CARS1: variants seen among roughly 807,000 people sequenced by gnomAD.
The protein encoded by CARS1 is cysteine--tRNA ligase, cytoplasmic.
Under a neutral mutation model 106.2 loss-of-function variants are expected in CARS1, and 48 were observed. That is an observed-to-expected ratio of 0.45 (90% CI 0.36 to 0.57). The LOEUF (loss-of-function observed/expected upper bound fraction) is 0.57. CARS1 is among the 20% of genes least tolerant of loss of function. The pLI is 0.00. For synonymous variants in CARS1, 409 were observed against 403.4 expected, an observed-to-expected ratio of 1.01 and a Z score of -0.17; for missense variants, 968 against 1,057.2, an observed-to-expected ratio of 0.92 and a Z score of 1.17.
At position 3,034,366 on chromosome 11, in the gene CARS1, G is replaced by A. The variant is rs533203743; in HGVS notation, c.801+3684C>T. Among the ~76,000 whole-genome samples the A allele has an allele frequency of 2.0e-5, 3 of 150,172 alleles. No homozygotes were observed. In the East Asian group the frequency reaches 6.0e-4, roughly 30 times the overall value. Reference sequence around the variant, plus strand: ...CTCCAGAGTAGCTGGGATTACAGACGCGCGCCACCACATTTGGCTAATTTT... The same window carrying A: ...CTCCAGAGTAGCTGGGATTACAGACACGCGCCACCACATTTGGCTAATTTT... On this transcript the variant is annotated intron_variant, in intron 7 of 22. Coordinates refer to ENST00000380525, the MANE Select transcript of CARS1 (RefSeq NM_001014437.3). This position sits in a 1 kb window ranked among gnomAD's most constrained non-coding sequence, Gnocchi z 6.3.
rs374179132 is a variant in CARS1 at position 3,002,491 on chromosome 11, G to T, written c.2277+50C>A. 1,301 of 1,609,304 alleles carry T rather than the reference G, an allele frequency of 8.1e-4. 19 individuals are homozygous for T. The South Asian group carries it at 0.012, about 14-fold the overall frequency. On this transcript the variant is annotated intron_variant, in intron 21 of 22. Coordinates refer to ENST00000380525, the MANE Select transcript of CARS1 (RefSeq NM_001014437.3). ...CAGAGAGCCACAGGGCATGGGGTCA[G>T]GGTGCACTCCTGCCCAGTAGAGCCC...
rs1483181057 is a variant in CARS1, at chr11:3,003,461, A to G, written c.2218-861T>C. 6.6e-6 allele frequency among the ~76,000 whole-genome samples: 1 copy of G among 152,212 alleles called. No homozygotes were observed. The highest frequency in any genetic ancestry group is 1.5e-5 in the Non-Finnish European group (1 of 68,026). Reference sequence around the variant, plus strand: ...GGCTTCCTGGCCCAGTGGAGCTATCAGGTAGGCAGCTGGGCAAACTGTTTT... The same window carrying G: ...GGCTTCCTGGCCCAGTGGAGCTATCGGGTAGGCAGCTGGGCAAACTGTTTT... On this transcript the variant is annotated intron_variant, in intron 20 of 22. Coordinates refer to ENST00000380525, the MANE Select transcript of CARS1 (RefSeq NM_001014437.3). This position sits in a 1 kb window ranked among gnomAD's most constrained non-coding sequence, Gnocchi z 4.8.
chr11:3,054,070 G>T (rs1157168864), intron 1 of CARS1, among the ~76,000 whole-genome samples: 1 of 152,130 alleles, frequency 6.6e-6, no homozygotes, highest in Non-Finnish European at 1.5e-5. Context: ...ATCGTGGGGA[G>T]GAGAGAGGGG....
In CARS1 at chr11:3,040,059, AC is replaced by A. The variant is rs993566802; in HGVS notation, c.456-129del. The A allele has an allele frequency of 1.2e-5, 7 of 560,854 alleles. No individual in the cohort carries two copies. The highest frequency in any genetic ancestry group is 5.9e-5 in the African/African-American group (3 of 50,760). 34.7% of individuals were successfully genotyped at this position (560,854 alleles called of 1,614,324 possible). Reference sequence around the variant, plus strand: ...TCTCTGCCATCCCTGAAACAGCAAGACCCCCCCTTCTCCTCCTCAGTCTACT... The same window carrying A: ...TCTCTGCCATCCCTGAAACAGCAAGACCCCCCTTCTCCTCCTCAGTCTACT... On this transcript the variant is annotated intron_variant, in intron 4 of 22. Transcript: ENST00000380525. This position sits in a 1 kb window ranked among gnomAD's most constrained non-coding sequence, Gnocchi z 5.8.
At chr11:3,014,022 G>C (rs983595257) in intron 17 of CARS1, among the ~76,000 whole-genome samples, 6 of 152,134 alleles carry the variant, frequency 3.9e-5, no homozygotes, top group Non-Finnish European at 8.8e-5. Flanking sequence ...TCTAAGCCAA[G>C]CTCCCTGAGA....
At chr11:3,015,686 T>G in intron 17 of CARS1, 95 bp downstream of exon 17, 1 of 1,069,594 alleles carries the variant, frequency 9.3e-7, no homozygotes, top group Non-Finnish European at 1.5e-6. Flanking sequence ...CTGGTGTGGG[T>G]GGGCAGACAG....
At position 3,050,593 on chromosome 11, in the gene CARS1, G is replaced by A. The variant is rs1162812333; in HGVS notation, c.26-2592C>T. On this transcript the variant is annotated intron_variant, in intron 1 of 22. Coordinates refer to ENST00000380525, the MANE Select transcript of CARS1 (RefSeq NM_001014437.3). This position sits in a 1 kb window ranked among gnomAD's most constrained non-coding sequence, Gnocchi z 6.3. ...CCAGCGGCCCTGCTGAAAAGCGCAC[G>A]TTCACATTACTGCCCCCAACACCCA... Among the ~76,000 whole-genome samples, 1 of 152,120 alleles carries A rather than the reference G, an allele frequency of 6.6e-6. No individual in the cohort carries two copies. The highest frequency in any genetic ancestry group is 1.5e-5 in the Non-Finnish European group (1 of 68,022).
rs1047300608 is a variant in CARS1 at position 3,004,580 on chromosome 11, G to T, written c.2217+786C>A. Among the ~76,000 whole-genome samples, 1 of 152,210 alleles carries T rather than the reference G, an allele frequency of 6.6e-6. No homozygotes were observed. Among genetic ancestry groups the T allele is most frequent in the African/African-American group, 2.4e-5 (1 of 41,466 alleles). On this transcript the variant is annotated intron_variant, in intron 20 of 22. Coordinates refer to ENST00000380525, the MANE Select transcript of CARS1 (RefSeq NM_001014437.3). This position sits in a 1 kb window ranked among gnomAD's most constrained non-coding sequence, Gnocchi z 5.2. ...CATGGTGTGCACTGGGGGCCCAGGT[G>T]CCTCTCATCCTGCTGCCTGCATCCC...
chr11:3,029,120 T>C lies in CARS1; in HGVS notation c.943-36A>G, dbSNP rs982698494. ...CATGAGAATGTCCTGGGATTTTCCC[T>C]TCTGAAAACCACGCGCTCCATAAAA... On this transcript the variant is annotated intron_variant, in intron 8 of 22. Transcript: ENST00000380525. The surrounding 1 kb of genome is among the most constrained non-coding windows in gnomAD (Gnocchi z 5.9). 2.6e-6 allele frequency: 4 copies of C among 1,545,262 alleles called. No homozygotes were observed. The highest frequency in any genetic ancestry group is 3.6e-6 in the Non-Finnish European group (4 of 1,117,704).
In CARS1 at chr11:3,053,536, T is replaced by C. The variant is rs1855897230; in HGVS notation, c.25+3807A>G. On this transcript the variant is annotated intron_variant, in intron 1 of 22. Transcript: ENST00000380525. The surrounding 1 kb of genome is among the most constrained non-coding windows in gnomAD (Gnocchi z 6.6). ...GTGAGCCACCATGCCTGGCCTCCTGTAAGCATTTAAACCTCTCCCGGCTGC... is the reference window on the plus strand; with the variant it reads ...GTGAGCCACCATGCCTGGCCTCCTGCAAGCATTTAAACCTCTCCCGGCTGC... Among the ~76,000 whole-genome samples, 1 of 152,104 alleles carries C rather than the reference T, an allele frequency of 6.6e-6. No homozygotes were observed. Among genetic ancestry groups the C allele is most frequent in the Non-Finnish European group, 1.5e-5 (1 of 67,996 alleles).
At position 3,031,823 on chromosome 11, in the gene CARS1, G is replaced by C. The variant is rs574474607; in HGVS notation, c.802-2380C>G. On this transcript the variant is annotated intron_variant, in intron 7 of 22. Transcript: ENST00000380525. ...GCAAGTCAGACAGTTGAAAACCCCA[G>C]GGACCCAGTCATAGGGGACCCCATA... Among the ~76,000 whole-genome samples the C allele has an allele frequency of 3.9e-5, 6 of 152,216 alleles. No homozygotes were observed. In the East Asian group the frequency reaches 1.2e-3, roughly 29 times the overall value.
intron 19 of CARS1, among the ~76,000 whole-genome samples, chr11:3,005,916 A>T (rs1416865539): frequency 6.6e-6 from 1 of 152,122 alleles, no homozygotes; most frequent in East Asian, 1.9e-4. Context: ...TGGCGAGAAC[A>T]TTTTGTAACG....
At chr11:3,015,931 G>A (rs1037058045) in intron 16 of CARS1, 82 bp from the exon 17 acceptor site, 58 of 1,173,316 alleles carry the variant, frequency 4.9e-5, no homozygotes, top group African/African-American at 1.1e-4. Flanking sequence ...TGTGTTCCTC[G>A]TTCACGGGAG....
Position 3,044,419 on chromosome 11 carries a change from T to C in CARS1, c.275-2163A>G, listed in dbSNP as rs1475835109. 3.3e-4 allele frequency among the ~76,000 whole-genome samples: 44 copies of C among 135,370 alleles called. No individual in the cohort carries two copies. Among genetic ancestry groups the C allele is most frequent in the African/African-American group, 1.0e-3 (30 of 29,808 alleles). The allele number at this position is 135,370 out of a possible 152,430, so 88.8% of individuals were successfully genotyped here. On this transcript the variant is annotated intron_variant, in intron 2 of 22. Coordinates refer to ENST00000380525, the MANE Select transcript of CARS1 (RefSeq NM_001014437.3). The surrounding 1 kb of genome is among the most constrained non-coding windows in gnomAD (Gnocchi z 4.4). ...ATCACATAAGGACCCTTGCCCCCCTTTTTTTTTTTTAGATAAAATCTGGCT... is the reference window on the plus strand; with the variant it reads ...ATCACATAAGGACCCTTGCCCCCCTCTTTTTTTTTTAGATAAAATCTGGCT...
chr11:3,026,867 A>G, intron 9 of CARS1, 70 bp from the exon 10 acceptor site: 1 of 1,544,848 alleles, frequency 6.5e-7, no homozygotes, highest in Non-Finnish European at 8.8e-7. Context: ...GGATGACAGT[A>G]ACAAAATAAA....
At position 3,039,208 on chromosome 11, in the gene CARS1, G is replaced by A; in HGVS notation, c.637C>T (p.Gln213Ter). 1 of 1,612,178 alleles carries A rather than the reference G, an allele frequency of 6.2e-7. No individual in the cohort carries two copies. Among genetic ancestry groups the A allele is most frequent in the South Asian group, 1.1e-5 (1 of 90,984 alleles). The change falls in exon 6 of 23, where the codon CAG becomes TAG. Residue 213 changes from glutamine to a stop codon, truncating the protein, a stop_gained. Coordinates refer to ENST00000380525, the MANE Select transcript of CARS1 (RefSeq NM_001014437.3). LOFTEE classifies it high-confidence loss of function. This position sits in a 1 kb window ranked among gnomAD's most constrained non-coding sequence, Gnocchi z 5.6. ...PEAAQLLEDV[Q>*]AALKPFSVKL... The stretch of plus-strand genomic sequence containing the variant: ...AAGAGGCCCACCTTCAGGGCGGCCT[G>A]AACATCCTCCAAGAGCTGTGCCGCT...
At chr11:3,010,208 G>A (rs567474583) in intron 18 of CARS1, among the ~76,000 whole-genome samples, 16 of 152,258 alleles carry the variant, frequency 1.1e-4, no homozygotes, top group Non-Finnish European at 2.2e-4. Context: ...GGGAGCTTGT[G>A]CCTGGCCAGT....
intron 3 of CARS1, 53 bp downstream of exon 3, chr11:3,042,112 G>T (rs2134264693): frequency 7.3e-7 from 1 of 1,366,754 alleles, no homozygotes; most frequent in Non-Finnish European, 1.0e-6. Flanking sequence ...GGGCTGTCCT[G>T]CCTCCTGCCT....
chr11:3,054,855 A>G (rs1856039062), intron 1 of CARS1: 1 of 701,844 alleles, frequency 1.4e-6, no homozygotes, highest in African/African-American at 1.7e-5. Flanking sequence ...AAACTGTATA[A>G]AAATTAAACT....
Sources: allele counts gnomAD v4.1 joint callset (sites outside exome capture counted in the v4.1 genomes callset), GRCh38; gene constraint gnomAD v4.1.1; non-coding constraint Gnocchi (gnomAD v3.1); transcripts MANE v1.5; gene names NCBI Gene and HGNC (gene_info 2026-07-23, HGNC 2026-07-21).